PCDHA12: variants seen among roughly 807,000 people sequenced by gnomAD.
PCDHA12 encodes the protein protocadherin alpha 12, also known as protocadherin alpha-12.
In PCDHA12, 44 loss-of-function variants were observed where a neutral mutation model predicts 60.0. The observed-to-expected ratio is 0.73, with a 90% CI of 0.58 to 0.94. The LOEUF (loss-of-function observed/expected upper bound fraction) is 0.94. PCDHA12 is among the 40% of genes least tolerant of loss of function. The pLI is 0.00. For synonymous variants in PCDHA12, 569 were observed against 553.0 expected, an observed-to-expected ratio of 1.03 and a Z score of -0.40; for missense variants, 1,276 against 1,239.7, an observed-to-expected ratio of 1.03 and a Z score of -0.44.
At chr5:140,881,376 C>G in intron 1 of PCDHA12, 5 of 984,754 alleles carry the variant, frequency 5.1e-6, no homozygotes, top group Non-Finnish European at 6.0e-6. Context: ...GAATTGCAGC[C>G]GGCGGCGGTA....
Position 140,982,372 on chromosome 5 carries a change from C to G in PCDHA12, c.2427-103C>G, listed in dbSNP as rs1479669249. 1.9e-6 allele frequency: 3 copies of G among 1,554,840 alleles called. No homozygotes were observed. In the East Asian group the frequency reaches 7.0e-5, roughly 36 times the overall value. ...TTCAAGCATGAGCAGAATGTGTTAG[C>G]TGCAGCCCTGGCTTCATAGTTGTAA... On this transcript the variant is annotated intron_variant, in intron 2 of 3. Coordinates refer to ENST00000398631, the MANE Select transcript of PCDHA12 (RefSeq NM_018903.4).
intron 1 of PCDHA12, among the ~76,000 whole-genome samples, chr5:140,915,245 C>T (rs1366061257): frequency 2.0e-5 from 3 of 152,088 alleles, no homozygotes; most frequent in Non-Finnish European, 4.4e-5. Flanking sequence ...CCATGCCTGG[C>T]CAGGTTGTTA....
chr5:140,878,033 A>G, intron 1 of PCDHA12, 194 bp downstream of exon 1: 2 of 574,166 alleles, frequency 3.5e-6, no homozygotes, highest in Non-Finnish European at 5.4e-6. Context: ...TGTAGGTACA[A>G]TGGAGGCCAT....
chr5:140,876,058 C>A lies in PCDHA12; in HGVS notation c.586C>A (p.Leu196Ile), dbSNP rs781906188. 1.2e-6 allele frequency: 2 copies of A among 1,613,750 alleles called. No homozygotes were observed. Among genetic ancestry groups the A allele is most frequent in the African/African-American group, 1.3e-5 (1 of 74,920 alleles). The stretch of plus-strand genomic sequence containing the variant: ...TAAAAGTATATTGCCTGAATTAGTT[C>A]TTCGGAAGTTATTGGACAGAGAGCA... Reference protein sequence around the residue: ...KDKSILPELVLRKLLDREQTP... With the variant: ...KDKSILPELVIRKLLDREQTP... The change falls in exon 1 of 4, where the codon CTT becomes ATT. Residue 196 changes from leucine (L) to isoleucine (I), a missense_variant. Transcript: ENST00000398631.
intron 1 of PCDHA12, among the ~76,000 whole-genome samples, chr5:140,953,811 A>T (rs782282216): frequency 3.3e-5 from 5 of 152,074 alleles, no homozygotes; most frequent in Non-Finnish European, 5.9e-5. Context: ...TCTGAGGTGC[A>T]TGTGCTAGTT....
intron 1 of PCDHA12, among the ~76,000 whole-genome samples, chr5:140,959,030 G>A (rs1303090530): frequency 6.6e-6 from 1 of 151,776 alleles, no homozygotes; most frequent in African/African-American, 2.4e-5. Flanking sequence ...GCTTTATCAT[G>A]GGTATGTATG....
intron 1 of PCDHA12, among the ~76,000 whole-genome samples, chr5:140,924,643 C>G (rs2081929149): frequency 1.3e-5 from 2 of 152,196 alleles, no homozygotes; most frequent in Admixed American, 1.3e-4. Flanking sequence ...ACCTGTAATC[C>G]CAGCACTTTG....
chr5:140,928,863 C>T (rs1554206433), intron 1 of PCDHA12: 8 of 1,614,172 alleles, frequency 5.0e-6, no homozygotes, highest in Middle Eastern at 1.7e-4. Context: ...TGCTGTTGAG[C>T]AACTCTGTCC....
chr5:140,954,737 T>C (rs1208625491), intron 1 of PCDHA12, among the ~76,000 whole-genome samples: 38 of 152,210 alleles, frequency 2.5e-4, no homozygotes, highest in Non-Finnish European at 1.5e-5. Flanking sequence ...TTCACTCTGA[T>C]GATAGTTTCT....
intron 1 of PCDHA12, among the ~76,000 whole-genome samples, chr5:140,906,171 C>T (rs2072420841): frequency 6.6e-6 from 1 of 152,178 alleles, no homozygotes; most frequent in Non-Finnish European, 1.5e-5. Flanking sequence ...AGGAACAATA[C>T]TTTGCATCCT....
At chr5:140,968,152 C>A (rs782362724) in intron 1 of PCDHA12, 6 of 1,614,054 alleles carry the variant, frequency 3.7e-6, no homozygotes, top group Non-Finnish European at 1.7e-6. Flanking sequence ...TCTCTGACAT[C>A]AATGACAATC....
intron 1 of PCDHA12, among the ~76,000 whole-genome samples, chr5:140,950,723 A>G (rs1478275346): frequency 1.3e-5 from 2 of 151,984 alleles, no homozygotes; most frequent in African/African-American, 4.8e-5. Flanking sequence ...ATATCCTTAA[A>G]TTTTTTAATC....
chr5:140,876,133 GAACT>G lies in PCDHA12; in HGVS notation c.665_668del (p.Leu222GlnfsTer8), dbSNP rs782651538. The G allele has an allele frequency of 5.0e-6, 8 of 1,613,820 alleles. No homozygotes were observed. Among genetic ancestry groups the G allele is most frequent in the East Asian group, 2.2e-5 (1 of 44,902 alleles). On this transcript the variant is annotated frameshift_variant, in exon 1 of 4. Coordinates refer to ENST00000398631, the MANE Select transcript of PCDHA12 (RefSeq NM_018903.4). LOFTEE classifies it high-confidence loss of function. ...GATGGTAATCGATGGCGGTAAACCA[GAACT>G]AACAGGGTCTGTCCAGATTCAAATA...
intron 1 of PCDHA12, chr5:140,968,527 G>A (rs782634339): frequency 9.3e-6 from 15 of 1,614,142 alleles, no homozygotes; most frequent in Middle Eastern, 1.6e-4. Flanking sequence ...CAACCAACTC[G>A]TCAGCAGCCT....
intron 1 of PCDHA12, among the ~76,000 whole-genome samples, chr5:140,886,020 A>G (rs1402901328): frequency 2.0e-5 from 3 of 152,182 alleles, no homozygotes; most frequent in African/African-American, 7.2e-5. Flanking sequence ...GATGCTATGT[A>G]TTCTTCACTA....
intron 1 of PCDHA12, chr5:140,966,610 C>A: frequency 1.4e-6 from 1 of 715,490 alleles, no homozygotes; most frequent in Non-Finnish European, 2.1e-6. Context: ...CTTGGGAGGG[C>A]CTACGGAGGG....
chr5:140,889,541 ATTTAC>A (rs1434823292), intron 1 of PCDHA12, among the ~76,000 whole-genome samples: 9 of 151,878 alleles, frequency 5.9e-5, no homozygotes, highest in African/African-American at 2.2e-4. Context: ...TTCCTGTCTA[ATTTAC>A]TTTTCTTCAG....
chr5:140,969,046 C>A, intron 1 of PCDHA12: 5 of 1,614,074 alleles, frequency 3.1e-6, no homozygotes, highest in Non-Finnish European at 4.2e-6. Flanking sequence ...ACAAACAAGC[C>A]AACAACAATA....
chr5:140,961,236 T>C (rs246004), intron 1 of PCDHA12, among the ~76,000 whole-genome samples: 47,773 of 152,034 alleles, frequency 0.31, 7,861 homozygotes, highest in East Asian at 0.53. Context: ...AAAAAGGTGA[T>C]GGAATTTATC....
Sources: gnomAD v4.1 joint callset for allele counts (sites outside exome capture counted in the v4.1 genomes callset) on GRCh38, gnomAD v4.1.1 for gene constraint, MANE v1.5 for transcripts, NCBI Gene and HGNC (gene_info 2026-07-23, HGNC 2026-07-21) for gene names.